PDE4D: variants seen among roughly 807,000 people sequenced by gnomAD.
PDE4D encodes 3',5'-cyclic-AMP phosphodiesterase 4D.
In PDE4D, 24 loss-of-function variants were observed where a neutral mutation model predicts 87.4. The observed-to-expected ratio is 0.27, with a 90% CI of 0.20 to 0.39. The LOEUF is 0.39. Ranked by LOEUF, PDE4D falls within the 10% of genes least tolerant of loss-of-function variation. PDE4D has a pLI of 1.00. For missense variants in PDE4D, 714 were observed against 1,041.0 expected (o/e 0.69, Z 4.32); for synonymous variants, 384 against 383.2 (o/e 1.00, Z -0.02).
chr5:60,003,858 A>G (rs376884926), intron 2 of PDE4D, among the ~76,000 whole-genome samples: 1 of 152,126 alleles, frequency 6.6e-6, no homozygotes, highest in African/African-American at 2.4e-5. Context: ...CAGAATAGAG[A>G]TCCCAGAAAT....
intron 5 of PDE4D, among the ~76,000 whole-genome samples, chr5:59,103,496 A>T (rs529219908): frequency 1.1e-4 from 17 of 152,014 alleles, no homozygotes; most frequent in Admixed American, 9.8e-4. Flanking sequence ...AAAGCAAAAA[A>T]AAAAAAGATT....
At chr5:60,461,122 G>A (rs775360105) in intron 1 of PDE4D, among the ~76,000 whole-genome samples, 1 of 152,030 alleles carries the variant, frequency 6.6e-6, no homozygotes, top group Non-Finnish European at 1.5e-5. Flanking sequence ...AGGAGAATGA[G>A]TGCTCTCAAA....
intron 1 of PDE4D, among the ~76,000 whole-genome samples, chr5:59,389,851 G>C (rs1316451543): frequency 6.6e-6 from 1 of 152,096 alleles, no homozygotes; most frequent in Non-Finnish European, 1.5e-5. Flanking sequence ...AGGCTGGGAA[G>C]AGAGAGGTGG....
chr5:59,289,629 AG>A (rs1391338244), intron 1 of PDE4D, among the ~76,000 whole-genome samples: 1 of 152,040 alleles, frequency 6.6e-6, no homozygotes, highest in Non-Finnish European at 1.5e-5. Context: ...AGGTGGGACA[AG>A]ATAAGGATGC....
At chr5:59,657,406 T>C (rs1265514120) in intron 1 of PDE4D, among the ~76,000 whole-genome samples, 2 of 152,128 alleles carry the variant, frequency 1.3e-5, no homozygotes, top group African/African-American at 4.8e-5. Flanking sequence ...TCATCACCAA[T>C]AAATTAAGGC....
At chr5:59,735,596 T>C (rs1256603908) in intron 1 of PDE4D, among the ~76,000 whole-genome samples, 1 of 152,194 alleles carries the variant, frequency 6.6e-6, no homozygotes, top group Non-Finnish European at 1.5e-5. Context: ...CAAAATATAT[T>C]TTAGATGGAA....
At chr5:59,913,274 T>A (rs1319623602) in intron 3 of PDE4D, among the ~76,000 whole-genome samples, 1 of 152,200 alleles carries the variant, frequency 6.6e-6, no homozygotes, top group Non-Finnish European at 1.5e-5. Context: ...AACTTAACTA[T>A]GAAACATTGA....
chr5:59,869,173 A>G (rs1435486272), intron 1 of PDE4D, among the ~76,000 whole-genome samples: 6 of 152,206 alleles, frequency 3.9e-5, no homozygotes, highest in Admixed American at 3.9e-4. Flanking sequence ...GCTGCTATGG[A>G]TGAAATAAAA....
At chr5:59,604,348 T>C (rs1827905317) in intron 1 of PDE4D, among the ~76,000 whole-genome samples, 1 of 152,064 alleles carries the variant, frequency 6.6e-6, no homozygotes, top group Non-Finnish European at 1.5e-5. Flanking sequence ...CAATGCATAG[T>C]TGTTTCCCTT....
At chr5:59,270,515 T>G (rs1240140538) in intron 1 of PDE4D, among the ~76,000 whole-genome samples, 1 of 152,194 alleles carries the variant, frequency 6.6e-6, no homozygotes, top group African/African-American at 2.4e-5. Context: ...ATTGGCCTTT[T>G]GTTCTTTATT....
chr5:60,010,073 G>A (rs1764876051), intron 2 of PDE4D, among the ~76,000 whole-genome samples: 1 of 151,970 alleles, frequency 6.6e-6, no homozygotes, highest in African/African-American at 2.4e-5. Flanking sequence ...TTTGCAAAAA[G>A]AACTAAAAGA....
intron 1 of PDE4D, among the ~76,000 whole-genome samples, chr5:59,725,862 AGATT>A (rs1447836013): frequency 5.9e-5 from 9 of 152,106 alleles, no homozygotes; most frequent in African/African-American, 2.2e-4. Context: ...GGTCCCTAAA[AGATT>A]GATTGGAATA....
chr5:60,075,918 A>G (rs1430033597), intron 2 of PDE4D, among the ~76,000 whole-genome samples: 2 of 152,048 alleles, frequency 1.3e-5, no homozygotes, highest in African/African-American at 4.8e-5. Context: ...GTACTATTTT[A>G]TTGTGATTCC....
intron 5 of PDE4D, among the ~76,000 whole-genome samples, chr5:59,117,791 C>A (rs1239237964): frequency 1.4e-5 from 2 of 143,438 alleles, no homozygotes; most frequent in Non-Finnish European, 3.0e-5. Flanking sequence ...ACAAACACTG[C>A]AGATCAGGTT....
intron 2 of PDE4D, among the ~76,000 whole-genome samples, chr5:60,020,784 T>C (rs1039091164): frequency 1.3e-5 from 2 of 152,032 alleles, no homozygotes; most frequent in Non-Finnish European, 2.9e-5. Flanking sequence ...TAACAAATTG[T>C]GAGGAAAAAA....
chr5:59,459,461 C>T (rs963541868), intron 1 of PDE4D, among the ~76,000 whole-genome samples: 3 of 152,184 alleles, frequency 2.0e-5, no homozygotes, highest in Admixed American at 6.5e-5. Flanking sequence ...TGAACCCTAA[C>T]TCTGGCAATT....
At chr5:59,735,118 A>G (rs1231856009) in intron 1 of PDE4D, among the ~76,000 whole-genome samples, 1 of 152,172 alleles carries the variant, frequency 6.6e-6, no homozygotes, top group Non-Finnish European at 1.5e-5. Context: ...TCTCCTGAAG[A>G]AGTTTTGTAT....
chr5:60,138,397 T>C (rs1335756740), intron 2 of PDE4D, among the ~76,000 whole-genome samples: 1 of 152,134 alleles, frequency 6.6e-6, no homozygotes, highest in Non-Finnish European at 1.5e-5. Flanking sequence ...ATTCAATCAA[T>C]CTTCTATCTA....
chr5:59,539,968 G>A (rs780695519), intron 1 of PDE4D, among the ~76,000 whole-genome samples: 4 of 152,100 alleles, frequency 2.6e-5, no homozygotes, highest in Non-Finnish European at 5.9e-5. Flanking sequence ...TTGCACCAGT[G>A]GATCTCAGAC....
Sources: gnomAD v4.1 joint callset for allele counts (sites outside exome capture counted in the v4.1 genomes callset) on GRCh38, gnomAD v4.1.1 for gene constraint, MANE v1.5 for transcripts, NCBI Gene and HGNC (gene_info 2026-07-23, HGNC 2026-07-21) for gene names.